Variants in CLSTN2 observed in about 807,000 individuals in gnomAD.
CLSTN2 encodes the protein calsyntenin-2.
CLSTN2 carries 48 observed loss-of-function variants against 101.2 expected under a neutral mutation model. That is an observed-to-expected ratio of 0.47 (90% CI 0.38 to 0.60). The LOEUF (loss-of-function observed/expected upper bound fraction) is 0.60, where lower values mean the gene tolerates loss of function less well. CLSTN2 is among the 20% of genes least tolerant of loss of function. The probability of loss-of-function intolerance (pLI) is 0.00; values close to 1 mark genes in which losing one functional copy is unlikely to be tolerated. For synonymous variants in CLSTN2, 481 were observed against 463.6 expected, an observed-to-expected ratio of 1.04 and a Z score of -0.48; for missense variants, 1,160 against 1,238.2, an observed-to-expected ratio of 0.94 and a Z score of 0.95.
intron 1 of CLSTN2, among the ~76,000 whole-genome samples, chr3:140,147,557 C>T (rs529076541): frequency 1.1e-4 from 16 of 152,142 alleles, no homozygotes; most frequent in South Asian, 6.2e-4. Flanking sequence ...GAGGATTGCT[C>T]AGTGGTTTTG....
intron 8 of CLSTN2, among the ~76,000 whole-genome samples, chr3:140,469,977 A>G (rs1366569924): frequency 1.3e-5 from 2 of 151,870 alleles, no homozygotes; most frequent in African/African-American, 4.8e-5. Context: ...TTTGATCTTG[A>G]TGTCTTATTT....
At chr3:140,001,359 C>A (rs2006834133) in intron 1 of CLSTN2, among the ~76,000 whole-genome samples, 2 of 151,894 alleles carry the variant, frequency 1.3e-5, no homozygotes, top group Non-Finnish European at 2.9e-5. Context: ...CTGATGAGTT[C>A]TTAATTTAAT....
Position 140,242,537 on chromosome 3 carries a change from A to G in CLSTN2, c.232+66464A>G, listed in dbSNP as rs140000679. On this transcript the variant is annotated intron_variant, in intron 2 of 16. Transcript: ENST00000458420. ...CCTCCCAGAGCCCAAGGAAGTTAACATTTTCCAAAATAAGACAGAGTCATG... is the reference window on the plus strand; with the variant it reads ...CCTCCCAGAGCCCAAGGAAGTTAACGTTTTCCAAAATAAGACAGAGTCATG... Among the ~76,000 whole-genome samples the G allele has an allele frequency of 4.3e-3, 656 of 152,126 alleles. 4 individuals are homozygous for G. Among genetic ancestry groups the G allele is most frequent in the African/African-American group, 0.015 (628 of 41,506 alleles).
At chr3:139,965,458 C>A (rs1935578245) in intron 1 of CLSTN2, among the ~76,000 whole-genome samples, 1 of 152,178 alleles carries the variant, frequency 6.6e-6, no homozygotes, top group Non-Finnish European at 1.5e-5. Flanking sequence ...TTCTCCACTT[C>A]TGGGGCCTGG....
intron 2 of CLSTN2, among the ~76,000 whole-genome samples, chr3:140,190,336 T>C (rs1179866680): frequency 6.6e-6 from 1 of 151,868 alleles, no homozygotes; most frequent in Non-Finnish European, 1.5e-5. Flanking sequence ...AGCCTTGAAA[T>C]TGTGTAAATG....
At chr3:140,153,723 T>G (rs1405070028) in intron 1 of CLSTN2, among the ~76,000 whole-genome samples, 1 of 152,162 alleles carries the variant, frequency 6.6e-6, no homozygotes, top group Non-Finnish European at 1.5e-5. Context: ...AGAGCCTTGA[T>G]GTGGGGAATG....
rs537890410 is a variant in CLSTN2 at position 140,389,907 on chromosome 3, T to G, written c.233-13722T>G. ...ATGTTGTAGCTAATTTTCTTTACTT[T>G]GATATCTGTGACAGATTTTGGTATT... On this transcript the variant is annotated intron_variant, in intron 2 of 16. Transcript: ENST00000458420. Among the ~76,000 whole-genome samples the G allele has an allele frequency of 5.9e-5, 9 of 152,350 alleles. No homozygotes were observed. In the South Asian group the frequency reaches 1.9e-3, roughly 32 times the overall value.
At chr3:140,447,068 A>T (rs963421271) in intron 5 of CLSTN2, among the ~76,000 whole-genome samples, 3 of 152,258 alleles carry the variant, frequency 2.0e-5, no homozygotes, top group Non-Finnish European at 2.9e-5. Context: ...TGGTGGCTCC[A>T]GTGGCCCATT....
intron 1 of CLSTN2, among the ~76,000 whole-genome samples, chr3:140,152,427 A>T (rs2009882598): frequency 6.6e-6 from 1 of 152,128 alleles, no homozygotes; most frequent in East Asian, 1.9e-4. Context: ...TCCCCTTGAC[A>T]TATATTCTTA....
chr3:140,479,427 A>G (rs187515200), intron 8 of CLSTN2, among the ~76,000 whole-genome samples: 9 of 152,366 alleles, frequency 5.9e-5, no homozygotes, highest in Admixed American at 2.0e-4. Context: ...TATTATCCAT[A>G]ATATCCAGTG....
intron 2 of CLSTN2, among the ~76,000 whole-genome samples, chr3:140,218,584 A>G (rs1362489961): frequency 6.6e-6 from 1 of 152,126 alleles, no homozygotes; most frequent in Non-Finnish European, 1.5e-5. Flanking sequence ...AGATACATTA[A>G]AAAAAACCTT....
intron 14 of CLSTN2, 51 bp downstream of exon 14, chr3:140,563,007 A>T: frequency 6.2e-7 from 1 of 1,611,956 alleles, no homozygotes; most frequent in East Asian, 2.2e-5. Flanking sequence ...CCATTCCCTC[A>T]TTCATTCAGA....
chr3:140,102,912 C>T (rs1243394928), intron 1 of CLSTN2, among the ~76,000 whole-genome samples: 2 of 152,086 alleles, frequency 1.3e-5, no homozygotes, highest in African/African-American at 4.8e-5. Flanking sequence ...TTTCTCAACC[C>T]TTCTGACCCT....
intron 2 of CLSTN2, among the ~76,000 whole-genome samples, chr3:140,223,193 A>AC (rs1297144194): frequency 6.6e-6 from 1 of 152,224 alleles, no homozygotes; most frequent in East Asian, 1.9e-4. Flanking sequence ...GGAGATAGCA[A>AC]CAAGTCTCCA....
intron 2 of CLSTN2, among the ~76,000 whole-genome samples, chr3:140,190,672 A>C (rs2010554095): frequency 6.6e-6 from 1 of 151,960 alleles, no homozygotes; most frequent in Non-Finnish European, 1.5e-5. Context: ...TCATTTTTTG[A>C]GTGACTGTAA....
At chr3:140,003,935 T>C (rs780075897) in intron 1 of CLSTN2, among the ~76,000 whole-genome samples, 12 of 152,222 alleles carry the variant, frequency 7.9e-5, no homozygotes, top group Non-Finnish European at 1.6e-4. Flanking sequence ...CTTTATTTCT[T>C]TGATTATTGA....
intron 8 of CLSTN2, among the ~76,000 whole-genome samples, chr3:140,472,413 C>T (rs1249412440): frequency 1.3e-5 from 2 of 152,152 alleles, no homozygotes; most frequent in East Asian, 1.9e-4. Context: ...TTCGGTTTCA[C>T]AGGGAGTCAA....
chr3:140,304,505 C>T (rs1260644379), intron 2 of CLSTN2, among the ~76,000 whole-genome samples: 1 of 152,164 alleles, frequency 6.6e-6, no homozygotes, highest in Non-Finnish European at 1.5e-5. Flanking sequence ...TCTTCCTCCT[C>T]TTATAAGGAC....
intron 8 of CLSTN2, among the ~76,000 whole-genome samples, chr3:140,488,954 C>A (rs1179462812): frequency 6.6e-6 from 1 of 152,070 alleles, no homozygotes; most frequent in Non-Finnish European, 1.5e-5. Flanking sequence ...AATCTATTAT[C>A]CTGTGTTCTT....
Sources: allele counts gnomAD v4.1 joint callset (sites outside exome capture counted in the v4.1 genomes callset), GRCh38; gene constraint gnomAD v4.1.1; transcripts MANE v1.5; gene names NCBI Gene and HGNC (gene_info 2026-07-23, HGNC 2026-07-21).